The following NAP1L1 variants were observed in gnomAD, a reference collection of about 807,000 sequenced individuals.
The protein encoded by NAP1L1 is nucleosome assembly protein 1-like 1.
A neutral mutation model predicts 58.9 loss-of-function variants in NAP1L1; 9 were observed. The observed-to-expected ratio is 0.15, with a 90% CI of 0.09 to 0.27. The LOEUF is 0.27. Among genes scored for constraint, NAP1L1 ranks in the 10% least tolerant of loss-of-function variants. NAP1L1 has a pLI of 1.00. For synonymous variants in NAP1L1, 130 were observed against 138.3 expected, an observed-to-expected ratio of 0.94 and a Z score of 0.42; for missense variants, 302 against 458.8, an observed-to-expected ratio of 0.66 and a Z score of 3.12.
At position 76,038,199 on chromosome 12, in the gene NAP1L1, AAG is replaced by A. The variant is rs978223127; in HGVS notation, c.*10228_*10229del. 2.0e-5 allele frequency: 3 copies of A among 152,168 alleles called. No individual in the cohort carries two copies. The highest frequency in any genetic ancestry group is 7.2e-5 in the African/African-American group (3 of 41,440). The allele number at this position is 152,168 out of a possible 1,614,324, so 9.4% of individuals were successfully genotyped here. A position where few individuals can be genotyped will look rare whatever the true frequency, so the allele number is the denominator to read the frequency against. On this transcript the variant is annotated 3_prime_UTR_variant, in exon 15 of 15. Coordinates refer to ENST00000618691, the MANE Select transcript of NAP1L1 (RefSeq NM_004537.7). ...GGGGTGACAAGATACCCCAGTAACT[AAG>A]AGTGGAAGCAATCCTCTGTCCCCAC...
In NAP1L1 at chr12:76,044,555, T is replaced by C. The variant is rs578096305; in HGVS notation, c.*3874A>G. ...TGAGGATGACATGGTCGGGCCTCAA[T>C]AAGCCCACTGTAAGTCAAAAATATC... On this transcript the variant is annotated 3_prime_UTR_variant, in exon 15 of 15. Coordinates refer to ENST00000618691, the MANE Select transcript of NAP1L1 (RefSeq NM_004537.7). 8 of 152,180 alleles carry C rather than the reference T, an allele frequency of 5.3e-5. No homozygotes were observed. Among genetic ancestry groups the C allele is most frequent in the Non-Finnish European group, 8.8e-5 (6 of 68,026 alleles). 9.4% of individuals were successfully genotyped at this position (152,180 alleles called of 1,614,324 possible). A position where few individuals can be genotyped will look rare whatever the true frequency, so the allele number is the denominator to read the frequency against.
At chr12:76,074,165 C>A (rs1336983512) in intron 2 of NAP1L1, 38 bp downstream of exon 2, 4 of 1,497,864 alleles carry the variant, frequency 2.7e-6, no homozygotes, top group Non-Finnish European at 2.8e-6. Flanking sequence ...CAAAGTGATG[C>A]CAAATCTCTG....
intron 1 of NAP1L1, among the ~76,000 whole-genome samples, chr12:76,077,122 A>G (rs1173769819): frequency 6.6e-6 from 1 of 152,230 alleles, no homozygotes; most frequent in Non-Finnish European, 1.5e-5. Context: ...TAATGTGTTC[A>G]CAGAATGGCT....
chr12:76,076,816 G>A (rs1033884171), intron 1 of NAP1L1, among the ~76,000 whole-genome samples: 1 of 151,944 alleles, frequency 6.6e-6, no homozygotes, highest in Non-Finnish European at 1.5e-5. Context: ...CACAAACCTA[G>A]ATGGTATAGC....
At position 76,038,260 on chromosome 12, in the gene NAP1L1, A is replaced by C. The variant is rs1948517660; in HGVS notation, c.*10169T>G. 2 of 152,296 alleles carry C rather than the reference A, an allele frequency of 1.3e-5. No individual in the cohort carries two copies. The highest frequency in any genetic ancestry group is 4.1e-4 in the South Asian group (2 of 4,826). 9.4% of individuals were successfully genotyped at this position (152,296 alleles called of 1,614,324 possible). Reference sequence around the variant, plus strand: ...CCAAGAACACCTACCACCTTTCCTAAGTATGCTTCTACTCTGAAACCCGGT... The same window carrying C: ...CCAAGAACACCTACCACCTTTCCTACGTATGCTTCTACTCTGAAACCCGGT... On this transcript the variant is annotated 3_prime_UTR_variant, in exon 15 of 15. Transcript: ENST00000618691.
At chr12:76,076,262 T>C (rs1217134342) in intron 1 of NAP1L1, among the ~76,000 whole-genome samples, 1 of 152,160 alleles carries the variant, frequency 6.6e-6, no homozygotes, top group Non-Finnish European at 1.5e-5. Context: ...AAGCTTTCTT[T>C]TCTTTCCACC....
chr12:76,050,646 T>G lies in NAP1L1; in HGVS notation c.944A>C (p.Asp315Ala), dbSNP rs772231209. Residue 315 changes from aspartate to alanine, a missense_variant, in exon 12 of 15, where the codon GAT (aspartate) becomes GCT (alanine). Coordinates refer to ENST00000618691, the MANE Select transcript of NAP1L1 (RefSeq NM_004537.7). ...EVPESGDLDD[D>A]AEAILAADFE... Reference sequence around the variant, plus strand: ...GTCTGCAGCAAGGATAGCTTCAGCATCATCATCCTATTTTTAAAGGAAAAC... The same window carrying G: ...GTCTGCAGCAAGGATAGCTTCAGCAGCATCATCCTATTTTTAAAGGAAAAC... 1.3e-6 allele frequency: 2 copies of G among 1,594,616 alleles called. No homozygotes were observed. Among genetic ancestry groups the G allele is most frequent in the South Asian group, 2.3e-5 (2 of 87,096 alleles).
intron 11 of NAP1L1, among the ~76,000 whole-genome samples, chr12:76,052,803 T>G (rs7961620): frequency 8.0e-4 from 122 of 152,330 alleles, no homozygotes; most frequent in African/African-American, 2.9e-3. Flanking sequence ...ACTTAATATA[T>G]TCTGGTTTTA....
intron 1 of NAP1L1, among the ~76,000 whole-genome samples, chr12:76,078,441 A>G (rs1333091109): frequency 6.6e-6 from 1 of 152,324 alleles, no homozygotes. Flanking sequence ...AAAAATTCAT[A>G]CAAGTAATTT....
In NAP1L1 at chr12:76,048,338, G is replaced by A; in HGVS notation, c.*91C>T. ...AAAAAAAAATTACCTAGTCTACCAA[G>A]AAAATACAAAAACATAAGGCTGTAA... is the stretch of plus-strand genomic sequence containing the variant. On this transcript the variant is annotated 3_prime_UTR_variant, in exon 15 of 15. Transcript: ENST00000618691. The A allele has an allele frequency of 6.8e-7, 1 of 1,470,464 alleles. No homozygotes were observed. The highest frequency in any genetic ancestry group is 1.2e-5 in the South Asian group (1 of 81,422). 91.1% of individuals were successfully genotyped at this position (1,470,464 alleles called of 1,614,324 possible).
At chr12:76,056,203 G>GTCAGCACAGGCTGCACCCAGCTTCCAC in intron 6 of NAP1L1, 42 bp from the exon 7 acceptor site, 1 of 1,576,004 alleles carries the variant, frequency 6.3e-7, no homozygotes, top group Admixed American at 1.9e-5. Flanking sequence ...ACATAGATTA[G>GTCAGCACAGGCTGCACCCAGCTTCCAC]ACCTCATGAT....
intron 6 of NAP1L1, chr12:76,056,865 T>C (rs1270179087): frequency 9.8e-6 from 3 of 305,362 alleles, no homozygotes; most frequent in South Asian, 5.3e-5. Flanking sequence ...TACAAAAAAT[T>C]AGTCAGGCAT....
At chr12:76,051,866 T>C (rs1488660428) in intron 11 of NAP1L1, among the ~76,000 whole-genome samples, 1 of 151,892 alleles carries the variant, frequency 6.6e-6, no homozygotes. Flanking sequence ...AATACAAAAA[T>C]TAGCGAGTTC....
chr12:76,064,523 A>T (rs1029341293), intron 4 of NAP1L1, among the ~76,000 whole-genome samples: 9 of 148,796 alleles, frequency 6.0e-5, no homozygotes, highest in Non-Finnish European at 1.0e-4. Flanking sequence ...AAAACTGGAA[A>T]GAATAACATA....
At chr12:76,084,433 A>G (rs564762868) in intron 1 of NAP1L1, 134 bp downstream of exon 1, 1 of 152,300 alleles carries the variant, frequency 6.6e-6, no homozygotes, top group East Asian at 2.0e-4. Context: ...TCACAGGACG[A>G]CCCCGGAGGC....
At position 76,043,531 on chromosome 12, in the gene NAP1L1, T is replaced by G. The variant is rs924569416; in HGVS notation, c.*4898A>C. On this transcript the variant is annotated 3_prime_UTR_variant, in exon 15 of 15. Coordinates refer to ENST00000618691, the MANE Select transcript of NAP1L1 (RefSeq NM_004537.7). The stretch of plus-strand genomic sequence containing the variant: ...ATGGAATGGTCATCCTCATCCTCAC[T>G]TGAAATACTCTTGTAACAGGTGGTT... 7.2e-5 allele frequency: 11 copies of G among 151,788 alleles called. No homozygotes were observed. The highest frequency in any genetic ancestry group is 1.2e-4 in the Non-Finnish European group (8 of 67,960). 9.4% of individuals were successfully genotyped at this position (151,788 alleles called of 1,614,324 possible). A position where few individuals can be genotyped will look rare whatever the true frequency, so the allele number is the denominator to read the frequency against.
At chr12:76,063,940 G>A (rs1049947608) in intron 4 of NAP1L1, among the ~76,000 whole-genome samples, 2 of 148,962 alleles carry the variant, frequency 1.3e-5, no homozygotes, top group African/African-American at 2.5e-5. Flanking sequence ...TATTCCCAGC[G>A]CTTTGGAAGA....
At position 76,076,947 on chromosome 12, in the gene NAP1L1, A is replaced by C. The variant is rs7296653; in HGVS notation, c.-20-2708T>G. Among the ~76,000 whole-genome samples the C allele has an allele frequency of 1.2e-3, 189 of 152,308 alleles. 2 individuals are homozygous for C. The highest frequency in any genetic ancestry group is 4.3e-3 in the African/African-American group (178 of 41,572). ...TAATGGCTAAGTATTTATGTGGTGC[A>C]TGACTGCATTTGGTTTTCCAACACA... On this transcript the variant is annotated intron_variant, in intron 1 of 14. Coordinates refer to ENST00000618691, the MANE Select transcript of NAP1L1 (RefSeq NM_004537.7).
At chr12:76,057,801 G>C (rs1565724151) in intron 6 of NAP1L1, 1 of 1,550,834 alleles carries the variant, frequency 6.4e-7, no homozygotes, top group East Asian at 2.4e-5. Context: ...GAACAGCAGG[G>C]GAAGAAGAGG....
Sources: gnomAD v4.1 joint callset for allele counts (sites outside exome capture counted in the v4.1 genomes callset) on GRCh38, gnomAD v4.1.1 for gene constraint, MANE v1.5 for transcripts, NCBI Gene and HGNC (gene_info 2026-07-23, HGNC 2026-07-21) for gene names.